ESRRB: variants seen among roughly 807,000 people sequenced by gnomAD.
ESRRB encodes the protein steroid hormone receptor ERR2.
Under a neutral mutation model 46.0 loss-of-function variants are expected in ESRRB, and 16 were observed. The observed-to-expected ratio is 0.35, with a 90% confidence interval of 0.24 to 0.53. The LOEUF (loss-of-function observed/expected upper bound fraction) is 0.53, where lower values mean the gene tolerates loss of function less well. Among genes scored for constraint, ESRRB ranks in the 20% least tolerant of loss-of-function variants. ESRRB has a pLI of 0.93. For synonymous variants in ESRRB, 246 were observed against 259.6 expected, an observed-to-expected ratio of 0.95 and a Z score of 0.50; for missense variants, 488 against 607.4, an observed-to-expected ratio of 0.80 and a Z score of 2.07.
At chr14:76,370,239 A>AC (rs1566862452), upstream of ESRRB, among the ~76,000 whole-genome samples, 1 of 151,600 alleles carries the variant, frequency 6.6e-6, no homozygotes, top group Non-Finnish European at 1.5e-5. Flanking sequence ...AAAAAAAAAA[A>AC]ACACAAAAGT....
upstream of ESRRB, among the ~76,000 whole-genome samples, chr14:76,371,004 G>A (rs777990284): frequency 1.3e-5 from 2 of 152,178 alleles, no homozygotes; most frequent in African/African-American, 4.8e-5. Flanking sequence ...TTCAGATAAC[G>A]AAATGGATGA....
At chr14:76,442,471 G>C (rs184398966) in intron 2 of ESRRB, among the ~76,000 whole-genome samples, 1 of 151,458 alleles carries the variant, frequency 6.6e-6, no homozygotes, top group African/African-American at 2.4e-5. Context: ...GCAAGATCCC[G>C]TCTCAAAAAA....
At chr14:76,384,739 G>A (rs1378730594) in intron 1 of ESRRB, among the ~76,000 whole-genome samples, 1 of 152,214 alleles carries the variant, frequency 6.6e-6, no homozygotes, top group Admixed American at 6.5e-5. Flanking sequence ...CAGACCAAAG[G>A]CACAGAGAGG....
intron 1 of ESRRB, among the ~76,000 whole-genome samples, chr14:76,405,621 G>A (rs929156616): frequency 1.3e-5 from 2 of 152,094 alleles, no homozygotes; most frequent in Non-Finnish European, 2.9e-5. Flanking sequence ...GAAGGAAAAT[G>A]GACAAAGCTC....
chr14:76,447,963 C>T (rs1284940205), intron 2 of ESRRB, among the ~76,000 whole-genome samples: 5 of 152,218 alleles, frequency 3.3e-5, no homozygotes, highest in East Asian at 1.9e-4. Flanking sequence ...TGGCCAAGGA[C>T]GCCCTCTGGG....
At chr14:76,320,701 C>T (rs1269778954) in intron 1 of ESRRB, among the ~76,000 whole-genome samples, 1 of 152,192 alleles carries the variant, frequency 6.6e-6, no homozygotes, top group South Asian at 2.1e-4. Flanking sequence ...TGGTGCTTAG[C>T]GGTTTTGGTT....
chr14:76,356,300 G>C (rs1344460934), intron 1 of ESRRB, among the ~76,000 whole-genome samples: 1 of 152,194 alleles, frequency 6.6e-6, no homozygotes, highest in Non-Finnish European at 1.5e-5. Flanking sequence ...GGTGCAGGGA[G>C]GAGCAGGTTT....
At chr14:76,460,862 C>A (rs943110335) in intron 2 of ESRRB, among the ~76,000 whole-genome samples, 2 of 146,264 alleles carry the variant, frequency 1.4e-5, no homozygotes, top group African/African-American at 5.5e-5. Context: ...CCCCTATGCC[C>A]AACTAATTTT....
Position 76,439,615 on chromosome 14 carries a change from G to A in ESRRB, c.325G>A (p.Ala109Thr), listed in dbSNP as rs1294082707. The A allele has an allele frequency of 1.9e-6, 3 of 1,614,224 alleles. No homozygotes were observed. In the South Asian group the frequency reaches 3.3e-5, roughly 18 times the overall value. Residue 109 changes from alanine (A) to threonine (T), a missense_variant, in exon 2 of 7, where the codon GCC (alanine) becomes ACC (threonine). Physicochemically the swap from Ala to Thr is moderately conservative, Grantham distance 58. Transcript: ENST00000644823. ...DCASGIMEDS[A>T]IKCEYMLNAI... Reference sequence around the variant, plus strand: ...TGCCAGCGGCATCATGGAGGACTCGGCCATCAAGTGCGAGTACATGCTCAA... The same window carrying A: ...TGCCAGCGGCATCATGGAGGACTCGACCATCAAGTGCGAGTACATGCTCAA...
chr14:76,413,257 CTT>C (rs890548722), intron 1 of ESRRB, among the ~76,000 whole-genome samples: 7 of 152,166 alleles, frequency 4.6e-5, no homozygotes, highest in Admixed American at 4.6e-4. Flanking sequence ...GGTGTTGAAT[CTT>C]CTAGCTGGCC....
At chr14:76,337,473 G>T (rs528205870) in intron 1 of ESRRB, among the ~76,000 whole-genome samples, 2 of 152,070 alleles carry the variant, frequency 1.3e-5, no homozygotes, top group Non-Finnish European at 2.9e-5. Context: ...CTCATACATC[G>T]TGACTTCCTC....
chr14:76,321,312 C>G (rs538604625), intron 1 of ESRRB, among the ~76,000 whole-genome samples: 60 of 152,270 alleles, frequency 3.9e-4, no homozygotes, highest in Admixed American at 3.0e-3. Flanking sequence ...TTTCACAGTC[C>G]AGGTAATCTC....
At chr14:76,358,375 G>GA (rs1884419181) in intron 1 of ESRRB, among the ~76,000 whole-genome samples, 4 of 65,218 alleles carry the variant, frequency 6.1e-5, no homozygotes, top group African/African-American at 2.2e-4. Context: ...AAGAAAGAAA[G>GA]AAAGAAAGAA....
chr14:76,363,721 A>G (rs1884490505), intron 1 of ESRRB, among the ~76,000 whole-genome samples: 1 of 152,208 alleles, frequency 6.6e-6, no homozygotes, highest in African/African-American at 2.4e-5. Context: ...GGTTGGACCT[A>G]CGCACATATT....
At chr14:76,468,067 A>G (rs1159319134) in intron 3 of ESRRB, among the ~76,000 whole-genome samples, 1 of 152,096 alleles carries the variant, frequency 6.6e-6, no homozygotes, top group African/African-American at 2.4e-5. Context: ...ATTCTGGGTA[A>G]TTGTGTTAGT....
intron 2 of ESRRB, among the ~76,000 whole-genome samples, chr14:76,449,569 AG>A (rs2139958164): frequency 6.6e-6 from 1 of 151,624 alleles, no homozygotes; most frequent in African/African-American, 2.4e-5. Flanking sequence ...AAGAAAAAAA[AG>A]TTTGTTTTTA....
At chr14:76,332,080 A>G (rs1285906923) in intron 1 of ESRRB, among the ~76,000 whole-genome samples, 1 of 151,822 alleles carries the variant, frequency 6.6e-6, no homozygotes, top group South Asian at 2.1e-4. Flanking sequence ...TGAAGCATTT[A>G]TTATGTGCTT....
chr14:76,333,811 G>A (rs1249805082), intron 1 of ESRRB, among the ~76,000 whole-genome samples: 2 of 151,956 alleles, frequency 1.3e-5, no homozygotes, highest in African/African-American at 2.4e-5. Flanking sequence ...TACACTTCCA[G>A]TACTTCCCAG....
In ESRRB at chr14:76,499,752, A is replaced by C; in HGVS notation, c.*1294A>C. On this transcript the variant is annotated 3_prime_UTR_variant, in exon 7 of 7. Coordinates refer to ENST00000644823, the MANE Select transcript of ESRRB (RefSeq NM_001379180.1). ...CCAGGACGTTTCTTTATCCCAGGAA[A>C]CTCCTCTACCCCAGGCACACGGGGA... is the stretch of plus-strand genomic sequence containing the variant. 1 of 937,428 alleles carries C rather than the reference A, an allele frequency of 1.1e-6. No homozygotes were observed. The highest frequency in any genetic ancestry group is 1.8e-6 in the Non-Finnish European group (1 of 569,164). 58.1% of individuals were successfully genotyped at this position (937,428 alleles called of 1,614,324 possible).
Sources: allele counts gnomAD v4.1 joint callset (sites outside exome capture counted in the v4.1 genomes callset), GRCh38; gene constraint gnomAD v4.1.1; transcripts MANE v1.5; gene names NCBI Gene and HGNC (gene_info 2026-07-23, HGNC 2026-07-21).